Variants in MACROD2 observed in about 807,000 individuals in gnomAD.
MACROD2 encodes ADP-ribose glycohydrolase MACROD2.
MACROD2 carries 36 observed loss-of-function variants against 70.4 expected under a neutral mutation model. The ratio of observed to expected loss-of-function variants is 0.51; its 90% CI spans 0.39 to 0.68. MACROD2 has a LOEUF of 0.68. Among genes scored for constraint, MACROD2 ranks in the 30% least tolerant of loss-of-function variants. The pLI, the probability that MACROD2 is intolerant of heterozygous loss-of-function variation, is 0.00. For synonymous variants in MACROD2, 172 were observed against 178.8 expected (o/e 0.96, Z 0.30); for missense variants, 496 against 538.4 (o/e 0.92, Z 0.78).
chr20:15,374,776 T>A (rs896123219), intron 6 of MACROD2, among the ~76,000 whole-genome samples: 11 of 152,214 alleles, frequency 7.2e-5, no homozygotes, highest in Non-Finnish European at 1.5e-4. Context: ...CTATCAGAGA[T>A]ACAAGTCAGA....
intron 4 of MACROD2, among the ~76,000 whole-genome samples, chr20:14,656,255 C>G (rs548078734): frequency 5.3e-5 from 8 of 152,316 alleles, no homozygotes; most frequent in East Asian, 3.9e-4. Context: ...TGCTCCCCCC[C>G]ACCCATTTTA....
chr20:15,947,135 T>C (rs2065835589), intron 12 of MACROD2, among the ~76,000 whole-genome samples: 1 of 152,076 alleles, frequency 6.6e-6, no homozygotes, highest in Admixed American at 6.5e-5. Flanking sequence ...AATCGGGTTT[T>C]ATACCGAGAC....
chr20:15,771,340 AATT>A (rs904193884), intron 8 of MACROD2, among the ~76,000 whole-genome samples: 2 of 147,646 alleles, frequency 1.4e-5, no homozygotes, highest in Admixed American at 6.7e-5. Context: ...ACACCTGGCT[AATT>A]ATTATTATTA....
chr20:14,862,690 A>T (rs79506730), intron 5 of MACROD2, among the ~76,000 whole-genome samples: 2 of 55,828 alleles, frequency 3.6e-5, no homozygotes, highest in African/African-American at 6.3e-5. Flanking sequence ...TATATATATA[A>T]ATATATATAA....
intron 3 of MACROD2, among the ~76,000 whole-genome samples, chr20:14,178,409 T>C (rs2081280859): frequency 6.6e-6 from 1 of 152,212 alleles, no homozygotes; most frequent in Non-Finnish European, 1.5e-5. Flanking sequence ...TTCTAGAATA[T>C]TCTGTTATGA....
intron 3 of MACROD2, among the ~76,000 whole-genome samples, chr20:14,369,865 G>A (rs1240142463): frequency 6.6e-6 from 1 of 152,118 alleles, no homozygotes; most frequent in Non-Finnish European, 1.5e-5. Context: ...CTTTCACATA[G>A]TTTCAGATTT....
chr20:14,103,991 C>T (rs2054334523), intron 3 of MACROD2, among the ~76,000 whole-genome samples: 1 of 152,104 alleles, frequency 6.6e-6, no homozygotes, highest in Admixed American at 6.6e-5. Context: ...TTTTTAGGTA[C>T]ACACAGACAC....
intron 3 of MACROD2, among the ~76,000 whole-genome samples, chr20:14,155,214 A>G (rs990507126): frequency 6.6e-6 from 1 of 152,224 alleles, no homozygotes; most frequent in African/African-American, 2.4e-5. Context: ...TGAAATATAT[A>G]TGAAACATAA....
At chr20:15,336,933 A>G (rs2078055177) in intron 6 of MACROD2, among the ~76,000 whole-genome samples, 1 of 151,764 alleles carries the variant, frequency 6.6e-6, no homozygotes, top group African/African-American at 2.4e-5. Flanking sequence ...GGAGCTAAAC[A>G]CAACTATTTC....
chr20:15,729,379 G>GAC (rs2050909805), intron 8 of MACROD2, among the ~76,000 whole-genome samples: 1 of 152,164 alleles, frequency 6.6e-6, no homozygotes, highest in East Asian at 1.9e-4. Context: ...GGGGTGGAGA[G>GAC]TTCTGTAGAT....
At chr20:14,220,512 A>G (rs1414852702) in intron 3 of MACROD2, among the ~76,000 whole-genome samples, 2 of 152,094 alleles carry the variant, frequency 1.3e-5, no homozygotes, top group East Asian at 3.9e-4. Flanking sequence ...GAGTCTGCAC[A>G]CTGAATTTGC....
intron 5 of MACROD2, among the ~76,000 whole-genome samples, chr20:15,022,278 G>T (rs1356937008): frequency 6.6e-6 from 1 of 152,004 alleles, no homozygotes; most frequent in Non-Finnish European, 1.5e-5. Context: ...ATAATTGCAG[G>T]GTTCCTACCA....
intron 8 of MACROD2, among the ~76,000 whole-genome samples, chr20:15,602,894 G>A (rs949850467): frequency 1.3e-5 from 2 of 150,680 alleles, no homozygotes; most frequent in African/African-American, 2.4e-5. Flanking sequence ...AGTTCTTATA[G>A]TTTTTTTTTA....
chr20:14,402,249 T>G (rs2083645560), intron 3 of MACROD2, among the ~76,000 whole-genome samples: 1 of 152,118 alleles, frequency 6.6e-6, no homozygotes, highest in Non-Finnish European at 1.5e-5. Flanking sequence ...TCTAAAACAC[T>G]TAAGTTCTGG....
intron 5 of MACROD2, among the ~76,000 whole-genome samples, chr20:14,743,844 G>T (rs1384678749): frequency 6.6e-6 from 1 of 152,114 alleles, no homozygotes; most frequent in Non-Finnish European, 1.5e-5. Context: ...GGTAGAACTG[G>T]ATGTAGTCTT....
At chr20:14,855,120 G>C (rs1318576459) in intron 5 of MACROD2, among the ~76,000 whole-genome samples, 1 of 152,178 alleles carries the variant, frequency 6.6e-6, no homozygotes, top group Non-Finnish European at 1.5e-5. Context: ...TAATAGTTGA[G>C]AAAGGTTTTT....
At chr20:14,480,844 C>G (rs1314846861) in intron 3 of MACROD2, among the ~76,000 whole-genome samples, 1 of 151,992 alleles carries the variant, frequency 6.6e-6, no homozygotes, top group African/African-American at 2.4e-5. Flanking sequence ...AAGGAGATGA[C>G]TATTTTATAC....
intron 6 of MACROD2, among the ~76,000 whole-genome samples, chr20:15,407,059 G>A (rs1021222722): frequency 3.9e-5 from 6 of 152,178 alleles, no homozygotes; most frequent in Non-Finnish European, 5.9e-5. Context: ...GACTGGTTCC[G>A]AGTCCTAGCT....
intron 5 of MACROD2, among the ~76,000 whole-genome samples, chr20:14,900,781 T>C (rs1018794035): frequency 6.6e-6 from 1 of 152,004 alleles, no homozygotes; most frequent in Non-Finnish European, 1.5e-5. Context: ...TTCTCTTTTG[T>C]TATTCTATTC....
Sources: allele counts gnomAD v4.1 joint callset (sites outside exome capture counted in the v4.1 genomes callset), GRCh38; gene constraint gnomAD v4.1.1; transcripts MANE v1.5; gene names NCBI Gene and HGNC (gene_info 2026-07-23, HGNC 2026-07-21).